The following ERAP2 variants were observed in gnomAD, a reference collection of about 807,000 sequenced individuals.
The protein encoded by ERAP2 is leukocyte-derived arginine aminopeptidase.
Under a neutral mutation model 111.1 loss-of-function variants are expected in ERAP2, and 118 were observed. The ratio of observed to expected loss-of-function variants is 1.06; its 90% confidence interval spans 0.92 to 1.24. ERAP2 has a LOEUF of 1.24. Among genes scored for constraint, ERAP2 ranks in the 50% most tolerant of loss-of-function variants. ERAP2 has a pLI of 0.00. For missense variants in ERAP2, 1,131 were observed against 1,125.8 expected (o/e 1.00, Z -0.07); for synonymous variants, 410 against 401.2 (o/e 1.02, Z -0.26).
rs1204896331 is a variant in ERAP2 at position 96,917,663 on chromosome 5, T to C, written c.*58T>C. 1.5e-5 allele frequency: 21 copies of C among 1,420,278 alleles called. No individual in the cohort carries two copies. Among genetic ancestry groups the C allele is most frequent in the South Asian group, 7.5e-5 (6 of 80,110 alleles). 88.0% of individuals were successfully genotyped at this position (1,420,278 alleles called of 1,614,324 possible). A position where few individuals can be genotyped will look rare whatever the true frequency, so the allele number is the denominator to read the frequency against. On this transcript the variant is annotated 3_prime_UTR_variant, in exon 19 of 19. Coordinates refer to ENST00000437043, the MANE Select transcript of ERAP2 (RefSeq NM_022350.5). ...GGCTCACGCCTGTAATCCCAGCACTTTGGGAGGCTGAGAAGGGCGGATCAC... is the reference window on the plus strand; with the variant it reads ...GGCTCACGCCTGTAATCCCAGCACTCTGGGAGGCTGAGAAGGGCGGATCAC...
At chr5:96,917,141 C>T (rs1314155913) in intron 18 of ERAP2, among the ~76,000 whole-genome samples, 4 of 152,168 alleles carry the variant, frequency 2.6e-5, no homozygotes, top group Non-Finnish European at 5.9e-5. Context: ...CTGCCTCGCT[C>T]TGTCAGCCAG....
chr5:96,891,317 C>A (rs965188124), intron 5 of ERAP2, among the ~76,000 whole-genome samples: 1 of 150,994 alleles, frequency 6.6e-6, no homozygotes, highest in East Asian at 1.9e-4. Flanking sequence ...GGATAGTAAA[C>A]CATGCGCATA....
At chr5:96,908,307 T>G (rs1033456746) in intron 13 of ERAP2, among the ~76,000 whole-genome samples, 4 of 152,196 alleles carry the variant, frequency 2.6e-5, no homozygotes, top group Admixed American at 6.5e-5. Flanking sequence ...TAATCGTTCG[T>G]TTCCTCTACA....
Position 96,909,636 on chromosome 5 carries a change from G to A in ERAP2, c.2226G>A (p.Lys742=). 6.2e-7 allele frequency: 1 copy of A among 1,614,186 alleles called. No homozygotes were observed. The highest frequency in any genetic ancestry group is 1.1e-5 in the South Asian group (1 of 91,082). Reference sequence around the variant, plus strand: ...TTGACAGGCAAAGCTGGAGTGACAAGGGCTCAGTCTGGGACAGGATGCTCC... The same window carrying A: ...TTGACAGGCAAAGCTGGAGTGACAAAGGCTCAGTCTGGGACAGGATGCTCC... ...PVIDRQSWSD[K]GSVWDRMLRS... The change falls in exon 15 of 19, where the codon AAG becomes AAA. Residue 742 remains lysine, a synonymous_variant. Transcript: ENST00000437043.
At chr5:96,907,894 A>T (rs6876611) in intron 13 of ERAP2, among the ~76,000 whole-genome samples, 80,057 of 151,112 alleles carry the variant, frequency 0.53, 21,245 homozygotes, top group Admixed American at 0.58. Flanking sequence ...AAAAAAAAAA[A>T]ATATATATAT....
chr5:96,912,358 T>C (rs1161946788), intron 15 of ERAP2, among the ~76,000 whole-genome samples: 1 of 152,124 alleles, frequency 6.6e-6, no homozygotes, highest in Non-Finnish European at 1.5e-5. Flanking sequence ...TTTATATTTG[T>C]TGATTACATC....
At chr5:96,898,546 G>T (rs1266995684) in intron 9 of ERAP2, among the ~76,000 whole-genome samples, 2 of 139,122 alleles carry the variant, frequency 1.4e-5, no homozygotes, top group African/African-American at 5.5e-5. Flanking sequence ...TGGCCAACAT[G>T]GTGAAAACCC....
intron 9 of ERAP2, among the ~76,000 whole-genome samples, chr5:96,897,596 A>G (rs1198976208): frequency 2.0e-5 from 3 of 152,240 alleles, no homozygotes; most frequent in Non-Finnish European, 4.4e-5. Context: ...ATAGTGATTA[A>G]TAAGCAGTTA....
At chr5:96,906,597 A>G (rs924103153) in intron 13 of ERAP2, among the ~76,000 whole-genome samples, 1 of 152,186 alleles carries the variant, frequency 6.6e-6, no homozygotes, top group African/African-American at 2.4e-5. Context: ...AAGAATTGAT[A>G]TTTATTTTAG....
At position 96,903,526 on chromosome 5, in the gene ERAP2, G is replaced by C. The variant is rs1391218414; in HGVS notation, c.1978G>C (p.Val660Leu). 1.2e-6 allele frequency: 2 copies of C among 1,610,476 alleles called. No homozygotes were observed. Among genetic ancestry groups the C allele is most frequent in the Non-Finnish European group, 1.7e-6 (2 of 1,179,096 alleles). Residue 660 changes from valine to leucine, a missense_variant, in exon 13 of 19, where the codon GTA becomes CTA. Val to Leu is a conservative substitution (Grantham distance 32). This residue lies in a region of ERAP2 where 847 missense variants were observed against 856.5 expected (regional missense o/e 0.99). Transcript: ENST00000437043. ...NHTLLRPKDR[V>L]GLIHDVFQLV... Reference sequence around the variant, plus strand: ...CACACTTCTCAGACCTAAGGACAGAGTAGGTCTGATTCATGATGTGTTTCA... The same window carrying C: ...CACACTTCTCAGACCTAAGGACAGACTAGGTCTGATTCATGATGTGTTTCA...
chr5:96,878,284 A>T (rs921173235), intron 1 of ERAP2, among the ~76,000 whole-genome samples: 1 of 152,226 alleles, frequency 6.6e-6, no homozygotes, highest in Admixed American at 6.5e-5. Flanking sequence ...GGCTTTTGAC[A>T]TATTGAAAAT....
intron 17 of ERAP2, 88 bp downstream of exon 17, chr5:96,913,545 C>G: frequency 6.9e-7 from 1 of 1,442,368 alleles, no homozygotes; most frequent in Non-Finnish European, 9.6e-7. Flanking sequence ...TTTCTCAAAG[C>G]ATATAAATAA....
intron 3 of ERAP2, among the ~76,000 whole-genome samples, chr5:96,885,635 A>C (rs1003550132): frequency 1.3e-5 from 2 of 152,244 alleles, no homozygotes; most frequent in Non-Finnish European, 2.9e-5. Flanking sequence ...CAACATGTCA[A>C]ACATGCTTAA....
intron 7 of ERAP2, among the ~76,000 whole-genome samples, 183 bp downstream of exon 7, chr5:96,895,542 C>T (rs888327879): frequency 1.3e-5 from 2 of 152,082 alleles, no homozygotes; most frequent in African/African-American, 4.8e-5. Context: ...TTTTAGAAAA[C>T]AATCAACATA....
chr5:96,887,073 G>GTATATA (rs35218383), intron 4 of ERAP2, among the ~76,000 whole-genome samples: 11,074 of 85,406 alleles, frequency 0.13, 705 homozygotes, highest in Non-Finnish European at 0.19. Context: ...AATTTTCAAA[G>GTATATA]TATATATATA....
intron 9 of ERAP2, 94 bp downstream of exon 9, chr5:96,896,957 C>T: frequency 9.5e-7 from 1 of 1,058,164 alleles, no homozygotes; most frequent in Non-Finnish European, 1.3e-6. Context: ...TATTGTCAGT[C>T]AACCATATTT....
rs1787744420 is a variant in ERAP2, at chr5:96,919,278, G to A, written c.*1673G>A. ...GCCCCAATACAGTACACATTTTTTG[G>A]TTAAATTTGTTTTCAGATCATTTCA... On this transcript the variant is annotated 3_prime_UTR_variant, in exon 19 of 19. Coordinates refer to ENST00000437043, the MANE Select transcript of ERAP2 (RefSeq NM_022350.5). The A allele has an allele frequency of 6.6e-6, 1 of 152,236 alleles. No individual in the cohort carries two copies. The highest frequency in any genetic ancestry group is 2.1e-4 in the South Asian group (1 of 4,828). 9.4% of individuals were successfully genotyped at this position (152,236 alleles called of 1,614,324 possible).
chr5:96,889,238 G>C lies in ERAP2; in HGVS notation c.903G>C (p.Gln301His). 6.2e-7 allele frequency: 1 copy of C among 1,614,010 alleles called. No individual in the cohort carries two copies. Residue 301 changes from glutamine (Q) to histidine (H), a missense_variant, in exon 5 of 19, where the codon CAG becomes CAC. Coordinates refer to ENST00000437043, the MANE Select transcript of ERAP2 (RefSeq NM_022350.5). ...GGAATCAAACACATTATGCTTTGCA[G>C]GCATCACTGAAGCTACTTGATTTTT... ...DKRNQTHYAL[Q>H]ASLKLLDFYE...
Position 96,901,368 on chromosome 5 carries a change from A to G in ERAP2, c.1573-138A>G, listed in dbSNP as rs74995061. ...CATCCCTAATCCAGTTGCCTGGATT[A>G]CCCTTCCCTGAGATACCAGTCCGAG... On this transcript the variant is annotated intron_variant, in intron 10 of 18. Coordinates refer to ENST00000437043, the MANE Select transcript of ERAP2 (RefSeq NM_022350.5). 161 of 914,892 alleles carry G rather than the reference A, an allele frequency of 1.8e-4. No individual in the cohort carries two copies. In the African/African-American group the frequency reaches 2.0e-3, roughly 12 times the overall value. 56.7% of individuals were successfully genotyped at this position (914,892 alleles called of 1,614,324 possible).
Sources: gnomAD v4.1 joint callset for allele counts (sites outside exome capture counted in the v4.1 genomes callset) on GRCh38, gnomAD v4.1.1 for gene constraint, gnomAD v4.1.1 regional missense constraint, MANE v1.5 for transcripts, NCBI Gene and HGNC (gene_info 2026-07-23, HGNC 2026-07-21) for gene names.